IQSEC1: variants seen among roughly 807,000 people sequenced by gnomAD.
IQSEC1 encodes IQ motif and Sec7 domain ArfGEF 1.
In IQSEC1, 31 loss-of-function variants were observed where a neutral mutation model predicts 91.0. The observed-to-expected ratio is 0.34, with a 90% CI of 0.26 to 0.46. IQSEC1 has a LOEUF of 0.46. IQSEC1 is among the 20% of genes least tolerant of loss of function. IQSEC1 has a pLI of 1.00. For missense variants in IQSEC1, 1,388 were observed against 1,575.6 expected (o/e 0.88, Z 2.02); for synonymous variants, 699 against 662.6 (o/e 1.05, Z -0.84).
chr3:12,911,779 A>G, intron 9 of IQSEC1, 51 bp from the exon 10 acceptor site: 1 of 1,224,682 alleles, frequency 8.2e-7, no homozygotes, highest in Non-Finnish European at 1.2e-6. Context: ...GGGGGCACTG[A>G]CTATGTGGGA....
chr3:13,256,768 G>A lies in IQSEC1; in HGVS notation c.272+25943C>T, dbSNP rs116340564. ...ACCAAAAGGACAAACTGGAGGACCC[G>A]TCAGGTGGCAAACACCATGGAGAGA... On this transcript the variant is annotated intron_variant, in intron 1 of 15. Transcript: ENST00000648114. Among the ~76,000 whole-genome samples the A allele has an allele frequency of 4.2e-3, 639 of 152,306 alleles. 8 individuals carry two copies. Among genetic ancestry groups the A allele is most frequent in the African/African-American group, 0.014 (594 of 41,550 alleles).
At chr3:13,117,207 C>T (rs913063240) in intron 2 of IQSEC1, among the ~76,000 whole-genome samples, 1 of 141,528 alleles carries the variant, frequency 7.1e-6, no homozygotes, top group African/African-American at 2.6e-5. Flanking sequence ...GGCCCATAGG[C>T]ACATGAGATG....
intron 2 of IQSEC1, among the ~76,000 whole-genome samples, chr3:12,937,019 G>A (rs754289193): frequency 2.7e-5 from 4 of 150,830 alleles, no homozygotes; most frequent in East Asian, 1.9e-4. Context: ...TGCAACCTCC[G>A]CCTCCTGGGT....
chr3:12,909,504 C>A lies in IQSEC1; in HGVS notation c.2417-70G>T. The A allele has an allele frequency of 6.8e-7, 1 of 1,474,460 alleles. No individual in the cohort carries two copies. Among genetic ancestry groups the A allele is most frequent in the South Asian group, 1.2e-5 (1 of 81,254 alleles). The allele number at this position is 1,474,460 out of a possible 1,614,324, so 91.3% of individuals were successfully genotyped here. A position where few individuals can be genotyped will look rare whatever the true frequency, so the allele number is the denominator to read the frequency against. ...TGTTCTCTGCAATCTCCTCTCTGGTCAGGAAACAATGGTAGGGCTGAGTTG... is the reference window on the plus strand; with the variant it reads ...TGTTCTCTGCAATCTCCTCTCTGGTAAGGAAACAATGGTAGGGCTGAGTTG... On this transcript the variant is annotated intron_variant, in intron 10 of 13. Transcript: ENST00000613206. This position sits in a 1 kb window ranked among gnomAD's most constrained non-coding sequence, Gnocchi z 4.9.
chr3:13,190,175 A>G (rs1576288508), intron 1 of IQSEC1, among the ~76,000 whole-genome samples: 1 of 151,782 alleles, frequency 6.6e-6, no homozygotes, highest in African/African-American at 2.4e-5. Context: ...CCTCCCCCCA[A>G]CCCCAGACCA....
intron 2 of IQSEC1, among the ~76,000 whole-genome samples, chr3:13,104,371 G>A (rs1398334240): frequency 2.0e-5 from 3 of 152,138 alleles, no homozygotes; most frequent in African/African-American, 7.2e-5. Flanking sequence ...CACTGCTGGG[G>A]CCAACATTAG....
chr3:12,999,226 C>A (rs764593956), intron 1 of IQSEC1, among the ~76,000 whole-genome samples: 10 of 152,090 alleles, frequency 6.6e-5, no homozygotes, highest in Non-Finnish European at 1.5e-4. Context: ...AGTACTAAGA[C>A]TCCTTACAAC....
At chr3:12,984,596 AGGGCCATGCATGCACGACC>A (rs1192113193) in intron 1 of IQSEC1, among the ~76,000 whole-genome samples, 1 of 152,116 alleles carries the variant, frequency 6.6e-6, no homozygotes, top group Non-Finnish European at 1.5e-5. Context: ...GGGAAGCCTA[AGGGCCATGCATGCACGACC>A]TGTAGCCACA....
intron 5 of IQSEC1, among the ~76,000 whole-genome samples, chr3:12,921,247 T>C (rs562861142): frequency 6.6e-6 from 1 of 152,214 alleles, no homozygotes; most frequent in African/African-American, 2.4e-5. Flanking sequence ...GGACTGAGGC[T>C]CAGGAGCCCA....
chr3:13,012,356 C>G (rs867734770), intron 1 of IQSEC1, among the ~76,000 whole-genome samples: 1 of 152,216 alleles, frequency 6.6e-6, no homozygotes, highest in African/African-American at 2.4e-5. Context: ...CTGCCACCTC[C>G]TCCAGGAAGC....
intron 2 of IQSEC1, among the ~76,000 whole-genome samples, chr3:13,101,419 C>CAAAAAAAAAAAAAAAAAAA (rs5846799): frequency 9.2e-5 from 11 of 119,484 alleles, no homozygotes; most frequent in African/African-American, 1.6e-4. Context: ...ATTCCATCTC[C>CAAAAAAAAAAAAAAAAAAA]AAAAAAAAAA....
chr3:12,938,681 T>G lies in IQSEC1; in HGVS notation c.319-1984A>C, dbSNP rs569907841. Among the ~76,000 whole-genome samples the G allele has an allele frequency of 2.6e-5, 4 of 152,060 alleles. No homozygotes were observed. The South Asian group carries it at 6.2e-4, about 24-fold the overall frequency. Reference sequence around the variant, plus strand: ...AGGCTGGGATCTAGGAAGCCTTTCTTCCCTCACTGTACTTTGTGGGCGGCA... The same window carrying G: ...AGGCTGGGATCTAGGAAGCCTTTCTGCCCTCACTGTACTTTGTGGGCGGCA... On this transcript the variant is annotated intron_variant, in intron 2 of 13. Transcript: ENST00000613206.
chr3:12,900,108 C>CTT lies in IQSEC1; in HGVS notation c.*873_*874dup. 2 of 979,966 alleles carry CTT rather than the reference C, an allele frequency of 2.0e-6. No homozygotes were observed. Among genetic ancestry groups the CTT allele is most frequent in the Non-Finnish European group, 2.4e-6 (2 of 825,096 alleles). The allele number at this position is 979,966 out of a possible 1,614,324, so 60.7% of individuals were successfully genotyped here. On this transcript the variant is annotated 3_prime_UTR_variant, in exon 14 of 14. Coordinates refer to ENST00000613206, the MANE Select transcript of IQSEC1 (RefSeq NM_001134382.3). ...GAGTGTACTGCAGTTTAGCTATTTG[C>CTT]TTACCTGAAATAACAGCATTATAAT...
rs543755938 is a variant in IQSEC1, at chr3:13,026,685, GC to G, written c.23+46306del. Among the ~76,000 whole-genome samples the G allele has an allele frequency of 8.6e-5, 13 of 151,956 alleles. No individual in the cohort carries two copies. The South Asian group carries it at 2.5e-3, about 29-fold the overall frequency. ...CTTCTCCAGGAGTCCATCCTTTTTTGCCCTGCATCCTCTCCGTTCCCTGAGC... is the reference window on the plus strand; with the variant it reads ...CTTCTCCAGGAGTCCATCCTTTTTTGCCTGCATCCTCTCCGTTCCCTGAGC... On this transcript the variant is annotated intron_variant, in intron 1 of 13. Transcript: ENST00000613206.
chr3:12,978,097 A>G (rs1044459408), intron 1 of IQSEC1, among the ~76,000 whole-genome samples: 3 of 152,258 alleles, frequency 2.0e-5, no homozygotes, highest in Non-Finnish European at 4.4e-5. Context: ...AATTGGCGTC[A>G]ACTACATTCC....
At chr3:13,051,425 A>G (rs1704685779) in intron 1 of IQSEC1, among the ~76,000 whole-genome samples, 1 of 152,158 alleles carries the variant, frequency 6.6e-6, no homozygotes, top group South Asian at 2.1e-4. Context: ...GTGCTGCACA[A>G]AGTCAGGAGA....
chr3:13,112,663 G>A (rs1007361378), intron 2 of IQSEC1, among the ~76,000 whole-genome samples: 9 of 152,242 alleles, frequency 5.9e-5, no homozygotes, highest in Admixed American at 2.6e-4. Flanking sequence ...AGGTGGTCCC[G>A]CAGCAGAGTG....
intron 12 of IQSEC1, among the ~76,000 whole-genome samples, chr3:12,904,293 G>A (rs983782163): frequency 6.6e-6 from 1 of 152,226 alleles, no homozygotes; most frequent in Admixed American, 6.5e-5. Flanking sequence ...TGGGAGTTGG[G>A]GTCAGCAAAG....
chr3:13,200,251 A>AAC (rs111462856), intron 1 of IQSEC1, among the ~76,000 whole-genome samples: 10,685 of 147,218 alleles, frequency 0.073, 396 homozygotes, highest in African/African-American at 0.091. Flanking sequence ...ACCCACATAC[A>AAC]ACACACACAC....
Sources: allele counts gnomAD v4.1 joint callset (sites outside exome capture counted in the v4.1 genomes callset), GRCh38; gene constraint gnomAD v4.1.1; non-coding constraint Gnocchi (gnomAD v3.1); transcripts MANE v1.5; gene names NCBI Gene and HGNC (gene_info 2026-07-23, HGNC 2026-07-21).